The following PCDH15 variants were observed in gnomAD, a reference collection of about 807,000 sequenced individuals.
The protein encoded by PCDH15 is protocadherin-15.
In PCDH15, 129 loss-of-function variants were observed where a neutral mutation model predicts 178.5. That is an observed-to-expected ratio of 0.72 (90% confidence interval 0.63 to 0.84). PCDH15 has a LOEUF of 0.84. PCDH15 is among the 40% of genes least tolerant of loss of function. PCDH15 has a pLI of 0.00. For synonymous variants in PCDH15, 800 were observed against 732.0 expected, an observed-to-expected ratio of 1.09 and a Z score of -1.50; for missense variants, 2,230 against 2,099.9, an observed-to-expected ratio of 1.06 and a Z score of -1.21.
At chr10:54,831,719 C>T (rs774217706) in intron 3 of PCDH15, among the ~76,000 whole-genome samples, 48 of 152,028 alleles carry the variant, frequency 3.2e-4, no homozygotes, top group Non-Finnish European at 5.7e-4. Flanking sequence ...CATATTTTTA[C>T]ATTTTTAAAA....
intron 18 of PCDH15, among the ~76,000 whole-genome samples, chr10:54,054,216 C>T (rs2093835925): frequency 6.6e-6 from 1 of 152,070 alleles, no homozygotes; most frequent in African/African-American, 2.4e-5. Flanking sequence ...GGAAAATAAG[C>T]ATCTCAATGT....
At chr10:53,818,777 T>G (rs547035451) in intron 33 of PCDH15, among the ~76,000 whole-genome samples, 1 of 152,108 alleles carries the variant, frequency 6.6e-6, no homozygotes, top group African/African-American at 2.4e-5. Flanking sequence ...GTCAACCATG[T>G]TATGTAGAAT....
At chr10:54,123,441 T>A (rs150775496) in intron 15 of PCDH15, among the ~76,000 whole-genome samples, 271 of 152,168 alleles carry the variant, frequency 1.8e-3, no homozygotes, top group African/African-American at 5.8e-3. Context: ...TCACTAATCA[T>A]CAGAGAAATG....
intron 8 of PCDH15, among the ~76,000 whole-genome samples, chr10:54,302,582 C>T (rs751809827): frequency 6.6e-6 from 1 of 152,150 alleles, no homozygotes; most frequent in East Asian, 1.9e-4. Flanking sequence ...CCTCAGACAT[C>T]GAATCTACTG....
At position 55,024,136 on chromosome 10, in the gene PCDH15, T is replaced by C. The variant is rs553665780; in HGVS notation, c.-79-126636A>G. Among the ~76,000 whole-genome samples, 522 of 145,274 alleles carry C rather than the reference T, an allele frequency of 3.6e-3. 5 individuals carry two copies. The highest frequency in any genetic ancestry group is 0.013 in the African/African-American group (509 of 39,098). On this transcript the variant is annotated intron_variant, in intron 2 of 5. Coordinates refer to the PCDH15 transcript ENST00000458638. ...ATATAGGAAGGAATATATATATATA[T>C]ATAGGAAGGAATATATATAGAGAGA...
chr10:54,074,880 T>G (rs991059676), intron 17 of PCDH15, among the ~76,000 whole-genome samples: 1 of 152,176 alleles, frequency 6.6e-6, no homozygotes, highest in African/African-American at 2.4e-5. Flanking sequence ...TGTTTTGTTT[T>G]GTTTTCTGTT....
chr10:55,161,566 C>T (rs530260595), intron 2 of PCDH15, among the ~76,000 whole-genome samples: 242 of 152,246 alleles, frequency 1.6e-3, no homozygotes, highest in African/African-American at 5.6e-3. Context: ...TATTTACCCT[C>T]TTGCCCTTTA....
chr10:54,643,635 T>C (rs1325255981), intron 2 of PCDH15, among the ~76,000 whole-genome samples: 1 of 152,076 alleles, frequency 6.6e-6, no homozygotes, highest in Non-Finnish European at 1.5e-5. Flanking sequence ...ATACATACTT[T>C]TGTTCTCTGT....
intron 3 of PCDH15, among the ~76,000 whole-genome samples, chr10:54,525,523 C>T (rs1334476992): frequency 2.0e-5 from 3 of 152,196 alleles, no homozygotes; most frequent in South Asian, 2.1e-4. Flanking sequence ...ATGATCTCAG[C>T]TTACTACAAC....
intron 8 of PCDH15, among the ~76,000 whole-genome samples, chr10:54,272,667 G>A (rs12267088): frequency 6.6e-6 from 1 of 152,080 alleles, no homozygotes. Context: ...CTAAAACTGA[G>A]CATACAGACA....
chr10:55,547,910 T>TGTGTGA (rs541144266), intron 2 of PCDH15, among the ~76,000 whole-genome samples: 29 of 54,528 alleles, frequency 5.3e-4, no homozygotes, highest in South Asian at 2.9e-3. Context: ...TGTGTGTGTG[T>TGTGTGA]GAGAGAGAGA....
At position 54,023,038 on chromosome 10, in the gene PCDH15, C is replaced by T. The variant is rs138805682; in HGVS notation, c.2380G>A (p.Gly794Arg). Residue 794 changes from glycine to arginine, a missense_variant, in exon 19 of 38, where the codon GGA becomes AGA. Physicochemically the swap from Gly to Arg is moderately radical, Grantham distance 125 (BLOSUM62 -2). Transcript: ENST00000644397. ...GTTGAATGACGAGGGTGTACTGCTC[C>T]ATCTGTTGCCACAACAACAAGTTCA... ...YYELVVVATD[G>R]AVHPRHSTLT... is the part of the protein sequence containing the mutation. The T allele has an allele frequency of 5.6e-6, 9 of 1,613,770 alleles. No homozygotes were observed. The African/African-American group carries it at 1.2e-4, about 22-fold the overall frequency.
intron 2 of PCDH15, among the ~76,000 whole-genome samples, chr10:55,034,803 C>T (rs1369553734): frequency 2.6e-5 from 4 of 152,020 alleles, no homozygotes; most frequent in Admixed American, 2.6e-4. Flanking sequence ...TTGGTGAAAT[C>T]TTATATTGCA....
rs10535301 is a variant in PCDH15, at chr10:55,098,895, T to TGAGAGAGAGAGAGAGAGAGAGAGAGA, written c.-80+67655_-80+67680dup. 9.2e-3 allele frequency among the ~76,000 whole-genome samples: 1,100 copies of TGAGAGAGAGAGAGAGAGAGAGAGAGA among 120,162 alleles called. 31 individuals are homozygous for TGAGAGAGAGAGAGAGAGAGAGAGAGA. The highest frequency in any genetic ancestry group is 0.011 in the South Asian group (35 of 3,286). The allele number at this position is 120,162 out of a possible 152,430, so 78.8% of individuals were successfully genotyped here. A position where few individuals can be genotyped will look rare whatever the true frequency, so the allele number is the denominator to read the frequency against. ...ATGTGTTCTTTCATTAAAACTTCAA[T>TGAGAGAGAGAGAGAGAGAGAGAGAGA]GAGAGAGAGAGAGAGAGAGAGAGAG... On this transcript the variant is annotated intron_variant, in intron 2 of 5. Transcript: ENST00000458638.
At chr10:54,115,718 C>T (rs1165396967) in intron 15 of PCDH15, among the ~76,000 whole-genome samples, 2 of 152,162 alleles carry the variant, frequency 1.3e-5, no homozygotes, top group Non-Finnish European at 2.9e-5. Context: ...TTCTTCCCCT[C>T]CCTTCAATAG....
chr10:54,060,294 T>C (rs1322775085), intron 18 of PCDH15, among the ~76,000 whole-genome samples: 1 of 152,194 alleles, frequency 6.6e-6, no homozygotes, highest in Non-Finnish European at 1.5e-5. Flanking sequence ...TATAGTTTCT[T>C]AAGAACAGTA....
intron 1 of PCDH15, among the ~76,000 whole-genome samples, chr10:54,737,662 A>G (rs1764469565): frequency 6.6e-6 from 1 of 151,936 alleles, no homozygotes; most frequent in Non-Finnish European, 1.5e-5. Context: ...CAAAAGCATA[A>G]ATTTGATGAC....
chr10:53,809,141 T>G lies in PCDH15; in HGVS notation c.4671+1415A>C. On this transcript the variant is annotated intron_variant, in intron 37 of 37. Transcript: ENST00000644397. ...GATTCTTCTGATTCAGGGGTGGAAC[T>G]CTCCTCCTCCTCAGAGGGTGTCTCT... 6.2e-7 allele frequency: 1 copy of G among 1,613,888 alleles called. No individual in the cohort carries two copies. Among genetic ancestry groups the G allele is most frequent in the Non-Finnish European group, 8.5e-7 (1 of 1,179,862 alleles).
intron 2 of PCDH15, chr10:55,469,209 G>C (rs1839906311): frequency 6.6e-6 from 1 of 152,108 alleles, no homozygotes; most frequent in South Asian, 2.1e-4. Flanking sequence ...ACAAAATACA[G>C]AGGCAACAGG....
Sources: allele counts gnomAD v4.1 joint callset (sites outside exome capture counted in the v4.1 genomes callset), GRCh38; gene constraint gnomAD v4.1.1; transcripts MANE v1.5; gene names NCBI Gene and HGNC (gene_info 2026-07-23, HGNC 2026-07-21).